Variants in PTPRD observed in about 807,000 individuals in gnomAD.
PTPRD encodes the protein receptor-type tyrosine-protein phosphatase delta.
PTPRD carries 34 observed loss-of-function variants against 214.5 expected under a neutral mutation model. That is an observed-to-expected ratio of 0.16 (90% CI 0.12 to 0.21). The LOEUF (loss-of-function observed/expected upper bound fraction) is 0.21, where lower values mean the gene tolerates loss of function less well. Ranked by LOEUF, PTPRD falls within the 10% of genes least tolerant of loss-of-function variation. PTPRD has a pLI of 1.00. For synonymous variants in PTPRD, 1,128 were observed against 845.7 expected (o/e 1.33, Z -5.79); for missense variants, 2,545 against 2,398.7 (o/e 1.06, Z -1.27).
At chr9:8,440,637 A>G (rs184014709) in intron 34 of PTPRD, among the ~76,000 whole-genome samples, 1 of 152,316 alleles carries the variant, frequency 6.6e-6, no homozygotes, top group East Asian at 1.9e-4. Context: ...AAAGGCACGC[A>G]TCAAATCTGT....
chr9:9,438,069 T>C (rs1336948250), intron 8 of PTPRD, among the ~76,000 whole-genome samples: 1 of 152,184 alleles, frequency 6.6e-6, no homozygotes, highest in Non-Finnish European at 1.5e-5. Context: ...TTTCCCTCTG[T>C]GTGCTTCTCT....
chr9:10,482,195 C>T (rs930362056), intron 2 of PTPRD, among the ~76,000 whole-genome samples: 5 of 151,886 alleles, frequency 3.3e-5, no homozygotes, highest in East Asian at 1.9e-4. Flanking sequence ...CACAGTGAAA[C>T]CCCATCTCTA....
chr9:10,360,341 A>G (rs1355316642), intron 2 of PTPRD, among the ~76,000 whole-genome samples: 1 of 152,230 alleles, frequency 6.6e-6, no homozygotes, highest in African/African-American at 2.4e-5. Flanking sequence ...ACTCATCACA[A>G]TTAGTTTTAT....
chr9:9,742,612 A>G (rs2098415671), intron 6 of PTPRD, among the ~76,000 whole-genome samples: 1 of 151,992 alleles, frequency 6.6e-6, no homozygotes, highest in Non-Finnish European at 1.5e-5. Context: ...GTCATCAGAG[A>G]GCCTGAGCCA....
chr9:8,436,809 G>A (rs1171672158), intron 34 of PTPRD, 120 bp from the exon 35 acceptor site: 4 of 755,580 alleles, frequency 5.3e-6, no homozygotes, highest in South Asian at 1.8e-5. Context: ...TAGTAAAGAT[G>A]TTTTAGGTGA....
At chr9:8,521,654 T>C (rs1048098524) in intron 19 of PTPRD, 108 bp from the exon 20 acceptor site, 2 of 1,307,760 alleles carry the variant, frequency 1.5e-6, no homozygotes, top group African/African-American at 3.0e-5. Context: ...TGAAACATTG[T>C]GGATTGTCCA....
At chr9:8,338,201 G>T (rs1242011222) in intron 43 of PTPRD, among the ~76,000 whole-genome samples, 1 of 152,038 alleles carries the variant, frequency 6.6e-6, no homozygotes, top group Non-Finnish European at 1.5e-5. Context: ...GCAGGTCTTT[G>T]AACTGACCTG....
chr9:9,402,634 C>T (rs1243487830), intron 8 of PTPRD, among the ~76,000 whole-genome samples: 1 of 151,760 alleles, frequency 6.6e-6, no homozygotes, highest in Non-Finnish European at 1.5e-5. Flanking sequence ...ATTAGAAATA[C>T]CAAAACATTG....
chr9:9,992,991 T>TA lies in PTPRD; in HGVS notation c.-472+40726dup, dbSNP rs35642813. Among the ~76,000 whole-genome samples, 12 of 151,508 alleles carry TA rather than the reference T, an allele frequency of 7.9e-5. No individual in the cohort carries two copies. In the South Asian group the frequency reaches 8.3e-4, roughly 11 times the overall value. On this transcript the variant is annotated intron_variant, in intron 4 of 45. Transcript: ENST00000381196. ...AATAAAATAAAAAGAATTTCAAAGT[T>TA]AAAAAAAAACAGTTAGATGCCAATG...
At chr9:9,361,973 C>A (rs931788938) in intron 9 of PTPRD, among the ~76,000 whole-genome samples, 1 of 151,022 alleles carries the variant, frequency 6.6e-6, no homozygotes, top group Non-Finnish European at 1.5e-5. Context: ...AATTCATAAA[C>A]TCCTTTTGGA....
chr9:8,404,717 TA>T, intron 35 of PTPRD, 57 bp from the exon 36 acceptor site: 1 of 1,548,740 alleles, frequency 6.5e-7, no homozygotes, highest in Admixed American at 1.8e-5. Context: ...CACCAGATTA[TA>T]GGCATTTATC....
At chr9:10,084,704 C>A (rs1022763853) in intron 3 of PTPRD, among the ~76,000 whole-genome samples, 1 of 151,892 alleles carries the variant, frequency 6.6e-6, no homozygotes, top group Non-Finnish European at 1.5e-5. Context: ...AACTTCGCAA[C>A]TCTGCCTTGT....
chr9:10,072,853 T>C (rs896710671), intron 3 of PTPRD, among the ~76,000 whole-genome samples: 3 of 152,110 alleles, frequency 2.0e-5, no homozygotes, highest in South Asian at 4.1e-4. Flanking sequence ...TTTACTAAAC[T>C]GATTTGAAAA....
At chr9:10,430,570 T>A (rs1427182116) in intron 2 of PTPRD, among the ~76,000 whole-genome samples, 2 of 151,958 alleles carry the variant, frequency 1.3e-5, no homozygotes, top group Admixed American at 6.6e-5. Flanking sequence ...AATGCTAATA[T>A]TTTGATTTAG....
chr9:10,097,058 C>A (rs1278444617), intron 3 of PTPRD, among the ~76,000 whole-genome samples: 3 of 151,364 alleles, frequency 2.0e-5, no homozygotes, highest in Non-Finnish European at 4.4e-5. Context: ...AGATATGCAG[C>A]ATTATTTCTG....
chr9:10,583,430 C>T (rs541918426), intron 2 of PTPRD, among the ~76,000 whole-genome samples: 1 of 151,630 alleles, frequency 6.6e-6, no homozygotes, highest in South Asian at 2.1e-4. Flanking sequence ...ACAGAGGTCC[C>T]CTGGTTGTGG....
intron 5 of PTPRD, among the ~76,000 whole-genome samples, chr9:9,852,309 G>T (rs1411958107): frequency 1.3e-5 from 2 of 152,054 alleles, no homozygotes; most frequent in Non-Finnish European, 2.9e-5. Flanking sequence ...AAAAAATTCT[G>T]TAGGCCAAGA....
intron 39 of PTPRD, among the ~76,000 whole-genome samples, chr9:8,352,963 T>C (rs1170782374): frequency 6.6e-6 from 1 of 152,042 alleles, no homozygotes; most frequent in African/African-American, 2.4e-5. Flanking sequence ...CTACAAAAAT[T>C]AGCTGGGCGT....
intron 8 of PTPRD, among the ~76,000 whole-genome samples, chr9:9,513,079 G>T (rs2096747825): frequency 6.6e-6 from 1 of 151,710 alleles, no homozygotes; most frequent in Non-Finnish European, 1.5e-5. Context: ...ATAAATTCTG[G>T]CAGAGGGACT....
Sources: allele counts gnomAD v4.1 joint callset (sites outside exome capture counted in the v4.1 genomes callset), GRCh38; gene constraint gnomAD v4.1.1; transcripts MANE v1.5; gene names NCBI Gene and HGNC (gene_info 2026-07-23, HGNC 2026-07-21).